Variants in KLF8 observed in about 807,000 individuals in gnomAD.
KLF8 encodes the protein KLF transcription factor 8.
A neutral mutation model predicts 18.2 loss-of-function variants in KLF8; 10 were observed. The observed-to-expected ratio is 0.55, with a 90% confidence interval of 0.34 to 0.93. The LOEUF is 0.93. Ranked by LOEUF, KLF8 falls within the 40% of genes least tolerant of loss-of-function variation. The probability of loss-of-function intolerance (pLI) is 0.02; values close to 1 mark genes in which losing one functional copy is unlikely to be tolerated. For missense variants in KLF8, 264 were observed against 277.9 expected, an observed-to-expected ratio of 0.95 and a Z score of 0.36; for synonymous variants, 109 against 97.3, an observed-to-expected ratio of 1.12 and a Z score of -0.71.
At chrX:56,048,733 A>G in the KLF8 span, among the ~76,000 whole-genome samples, 12,788 of 111,228 alleles carry the variant, frequency 0.11, 1,279 homozygotes, top group African/African-American at 0.33. Context: ...TTGGCTTAGG[A>G]TTGACGTGGC....
At chrX:56,037,227 G>A in the KLF8 span, among the ~76,000 whole-genome samples, 1 of 111,523 alleles carries the variant, frequency 9.0e-6, no homozygotes, top group East Asian at 2.8e-4. Context: ...TCCTTGATTT[G>A]CATATGTTGA....
At chrX:55,997,614 C>T in the KLF8 span, among the ~76,000 whole-genome samples, 2 of 111,832 alleles carry the variant, frequency 1.8e-5, no homozygotes, top group Admixed American at 9.5e-5. Context: ...CAATACCTTT[C>T]TTCTGAAGAT....
the KLF8 span, among the ~76,000 whole-genome samples, chrX:55,967,169 A>T: frequency 2.7e-5 from 3 of 111,592 alleles, no homozygotes; most frequent in Non-Finnish European, 5.6e-5. Context: ...CTTAAAGGGG[A>T]GGTAGACAAG....
At chrX:55,993,765 G>A in the KLF8 span, among the ~76,000 whole-genome samples, 3 of 110,820 alleles carry the variant, frequency 2.7e-5, no homozygotes, top group African/African-American at 9.8e-5. Context: ...TTTTGGTTTT[G>A]TTTTTGTTTT....
At chrX:56,194,291 G>C in the KLF8 span, among the ~76,000 whole-genome samples, 3 of 111,631 alleles carry the variant, frequency 2.7e-5, no homozygotes, top group Non-Finnish European at 3.8e-5. Flanking sequence ...GAAAGGGGTT[G>C]GGGGATATCC....
the KLF8 span, among the ~76,000 whole-genome samples, chrX:56,037,424 A>T: frequency 5.4e-5 from 6 of 111,426 alleles, no homozygotes; most frequent in Admixed American, 3.8e-4. Flanking sequence ...TGTTGGCCTC[A>T]TAGACTGAAT....
chrX:56,143,123 G>A, the KLF8 span, among the ~76,000 whole-genome samples: 1 of 111,097 alleles, frequency 9.0e-6, no homozygotes, highest in Admixed American at 9.6e-5. Flanking sequence ...CTCATCTTTT[G>A]CGACTCTTCC....
the KLF8 span, among the ~76,000 whole-genome samples, chrX:55,996,025 T>G: frequency 1.8e-5 from 2 of 112,130 alleles, no homozygotes; most frequent in Non-Finnish European, 3.8e-5. Context: ...TCTCTTTACA[T>G]AATCCCATAT....
At chrX:56,072,678 C>A in the KLF8 span, among the ~76,000 whole-genome samples, 1 of 112,158 alleles carries the variant, frequency 8.9e-6, no homozygotes, top group African/African-American at 3.2e-5. Flanking sequence ...AACATTCATT[C>A]TGTAAAAAAT....
At chrX:56,078,660 A>G in the KLF8 span, among the ~76,000 whole-genome samples, 8 of 112,080 alleles carry the variant, frequency 7.1e-5, no homozygotes, top group African/African-American at 2.6e-4. Context: ...GCCTCATAAA[A>G]TGAGTTAGGG....
the KLF8 span, among the ~76,000 whole-genome samples, chrX:55,970,707 G>A: frequency 9.0e-6 from 1 of 111,529 alleles, no homozygotes; most frequent in Non-Finnish European, 1.9e-5. Context: ...GGTAAATTCA[G>A]CAAAGTTGTA....
At chrX:55,948,466 T>C in the KLF8 span, among the ~76,000 whole-genome samples, 1 of 112,168 alleles carries the variant, frequency 8.9e-6, no homozygotes, top group Non-Finnish European at 1.9e-5. Context: ...AGACCTGATT[T>C]ATTCCCAATT....
the KLF8 span, among the ~76,000 whole-genome samples, chrX:56,222,918 C>G: frequency 8.9e-6 from 1 of 112,892 alleles, no homozygotes; most frequent in South Asian, 3.6e-4. Flanking sequence ...AGTCCCGGTT[C>G]CCGCCTGTGC....
chrX:56,204,960 G>A, the KLF8 span, among the ~76,000 whole-genome samples: 1 of 110,818 alleles, frequency 9.0e-6, no homozygotes, highest in African/African-American at 3.3e-5. Context: ...CCCCACCTTT[G>A]TTCTAATTTT....
At chrX:55,964,931 A>G in the KLF8 span, among the ~76,000 whole-genome samples, 19 of 111,479 alleles carry the variant, frequency 1.7e-4, no homozygotes, top group Non-Finnish European at 3.4e-4. Context: ...TATCAACCAG[A>G]AAAAGCCTTC....
At chrX:56,136,017 A>G in the KLF8 span, among the ~76,000 whole-genome samples, 5 of 111,670 alleles carry the variant, frequency 4.5e-5, no homozygotes, top group Non-Finnish European at 9.4e-5. Flanking sequence ...CAAAGAGAAT[A>G]AAATACCTAG....
chrX:56,095,404 G>T, the KLF8 span, among the ~76,000 whole-genome samples: 2 of 112,417 alleles, frequency 1.8e-5, no homozygotes, highest in African/African-American at 6.4e-5. Context: ...TTTGGACATT[G>T]GCCTATGCCA....
At chrX:56,185,040 G>A in the KLF8 span, among the ~76,000 whole-genome samples, 1 of 112,728 alleles carries the variant, frequency 8.9e-6, no homozygotes, top group Non-Finnish European at 1.9e-5. Flanking sequence ...TTTTGACGAG[G>A]TCAGAGAAGA....
rs1274720957 is a variant in KLF8, at chrX:56,291,219, TTA to T, written c.*6727_*6728del. The stretch of plus-strand genomic sequence containing the variant: ...TATTAAGCTTTAGTCTCTGTAACTC[TTA>T]TGTTTGTGCCCCATTATTTTAGTGC... On this transcript the variant is annotated 3_prime_UTR_variant, in exon 6 of 6. Coordinates refer to ENST00000468660, the MANE Select transcript of KLF8 (RefSeq NM_007250.5). Among the ~76,000 whole-genome samples the T allele has an allele frequency of 1.8e-5, 2 of 112,124 alleles. No individual in the cohort carries two copies. The highest frequency in any genetic ancestry group is 6.5e-5 in the African/African-American group (2 of 30,859).
Sources: gnomAD v4.1 joint callset for allele counts (sites outside exome capture counted in the v4.1 genomes callset) on GRCh38, gnomAD v4.1.1 for gene constraint, MANE v1.5 for transcripts, NCBI Gene and HGNC (gene_info 2026-07-23, HGNC 2026-07-21) for gene names.